Variants in EGFLAM observed in about 807,000 individuals in gnomAD.
The protein encoded by EGFLAM is pikachurin.
In EGFLAM, 79 loss-of-function variants were observed where a neutral mutation model predicts 113.1. The ratio of observed to expected loss-of-function variants is 0.70; its 90% CI spans 0.58 to 0.84. The LOEUF (loss-of-function observed/expected upper bound fraction) is 0.84, where lower values mean the gene tolerates loss of function less well. Among genes scored for constraint, EGFLAM ranks in the 40% least tolerant of loss-of-function variants. EGFLAM has a pLI of 0.00. For missense variants in EGFLAM, 1,265 were observed against 1,291.6 expected (o/e 0.98, Z 0.32); for synonymous variants, 504 against 487.6 (o/e 1.03, Z -0.44).
intron 6 of EGFLAM, among the ~76,000 whole-genome samples, chr5:38,396,997 A>G (rs532397448): frequency 6.6e-6 from 1 of 152,294 alleles, no homozygotes; most frequent in Admixed American, 6.5e-5. Context: ...TTCAAAAGGC[A>G]ACACCCCACA....
In EGFLAM at chr5:38,423,846, T is replaced by A. The variant is rs535286400; in HGVS notation, c.1685-1121T>A. On this transcript the variant is annotated intron_variant, in intron 12 of 21. Coordinates refer to ENST00000322350, the MANE Select transcript of EGFLAM (RefSeq NM_152403.4). Reference sequence around the variant, plus strand: ...TCAGTCTCCTCTCCTGGGTCTAACCTGGGTGCCTGGCCTTTACCCCTCCTC... The same window carrying A: ...TCAGTCTCCTCTCCTGGGTCTAACCAGGGTGCCTGGCCTTTACCCCTCCTC... 3.0e-4 allele frequency among the ~76,000 whole-genome samples: 46 copies of A among 152,310 alleles called. No homozygotes were observed. In the South Asian group the frequency reaches 8.9e-3, roughly 30 times the overall value.
At chr5:38,302,823 A>G (rs1422984144) in intron 1 of EGFLAM, among the ~76,000 whole-genome samples, 2 of 152,166 alleles carry the variant, frequency 1.3e-5, no homozygotes, top group African/African-American at 4.8e-5. Flanking sequence ...GGTAAGAGAC[A>G]AACCTTAGTT....
chr5:38,350,438 T>C, intron 3 of EGFLAM, 63 bp from the exon 4 acceptor site: 1 of 1,504,850 alleles, frequency 6.6e-7, no homozygotes, highest in Non-Finnish European at 9.2e-7. Flanking sequence ...CTCATGGAAA[T>C]TGTACAATTT....
intron 17 of EGFLAM, among the ~76,000 whole-genome samples, chr5:38,441,719 C>T (rs1327600258): frequency 6.6e-6 from 1 of 152,126 alleles, no homozygotes; most frequent in African/African-American, 2.4e-5. Context: ...TGCAGAATTT[C>T]TCAGAGCCTT....
intron 1 of EGFLAM, among the ~76,000 whole-genome samples, chr5:38,291,658 C>A (rs772284287): frequency 8.5e-5 from 13 of 152,158 alleles, no homozygotes; most frequent in Non-Finnish European, 1.8e-4. Flanking sequence ...ATGCAATTAA[C>A]CTTAAGGAAA....
At chr5:38,414,481 T>A (rs1179012075) in intron 11 of EGFLAM, among the ~76,000 whole-genome samples, 1 of 152,168 alleles carries the variant, frequency 6.6e-6, no homozygotes, top group South Asian at 2.1e-4. Flanking sequence ...TAAAGAATTA[T>A]AGGCTGTGTT....
intron 14 of EGFLAM, 68 bp downstream of exon 14, chr5:38,427,320 C>T (rs911968607): frequency 1.3e-6 from 2 of 1,573,042 alleles, no homozygotes; most frequent in Admixed American, 3.6e-5. Flanking sequence ...CAGAAAAAAA[C>T]CAAATCGCCA....
chr5:38,460,842 G>A (rs543937089), intron 20 of EGFLAM: 1 of 152,246 alleles, frequency 6.6e-6, no homozygotes, highest in Non-Finnish European at 1.5e-5. Flanking sequence ...TCAATGAAAA[G>A]GAGATTGCCC....
chr5:38,405,497 G>A (rs1741255787), intron 6 of EGFLAM, among the ~76,000 whole-genome samples: 1 of 152,082 alleles, frequency 6.6e-6, no homozygotes, highest in Non-Finnish European at 1.5e-5. Context: ...AAGCCATGTT[G>A]ATATATTAAA....
chr5:38,360,027 T>C (rs1045886402), intron 5 of EGFLAM, among the ~76,000 whole-genome samples: 1 of 152,224 alleles, frequency 6.6e-6, no homozygotes, highest in Non-Finnish European at 1.5e-5. Context: ...CGCAAATTGA[T>C]ATTTTTGTCA....
chr5:38,412,775 C>T, intron 11 of EGFLAM, 127 bp downstream of exon 11: 2 of 1,380,622 alleles, frequency 1.4e-6, no homozygotes, highest in Non-Finnish European at 1.9e-6. Flanking sequence ...TTGGTAAGGC[C>T]TATTTCTCAT....
intron 6 of EGFLAM, among the ~76,000 whole-genome samples, chr5:38,397,746 CA>C (rs1740998445): frequency 6.6e-6 from 1 of 152,208 alleles, no homozygotes; most frequent in South Asian, 2.1e-4. Flanking sequence ...CAGGTGTCCA[CA>C]TGCATCTTAG....
rs1165893590 is a variant in EGFLAM at position 38,258,578 on chromosome 5, C to T, written c.-177C>T. On this transcript the variant is annotated 5_prime_UTR_variant, in exon 1 of 22. Coordinates refer to ENST00000322350, the MANE Select transcript of EGFLAM (RefSeq NM_152403.4). Reference sequence around the variant, plus strand: ...GGCTTCACTCGCGCACGCCGACCTCCCGGCTGCAGTCCTACCTCTTGGAAC... The same window carrying T: ...GGCTTCACTCGCGCACGCCGACCTCTCGGCTGCAGTCCTACCTCTTGGAAC... 9.0e-6 allele frequency: 6 copies of T among 668,188 alleles called. No homozygotes were observed. The highest frequency in any genetic ancestry group is 1.9e-5 in the African/African-American group (1 of 52,500). 41.4% of individuals were successfully genotyped at this position (668,188 alleles called of 1,614,324 possible).
rs1757491153 is a variant in EGFLAM at position 38,261,169 on chromosome 5, G to GA, written c.97+2324dup. 2.0e-5 allele frequency among the ~76,000 whole-genome samples: 3 copies of GA among 152,270 alleles called. No homozygotes were observed. The South Asian group carries it at 6.2e-4, about 32-fold the overall frequency. ...CCCCATCCGCACCTACCTCTGGTGA[G>GA]AAAAAACTGAGTAGCAGCTTCAAGT... On this transcript the variant is annotated intron_variant, in intron 1 of 21. Transcript: ENST00000322350.
At chr5:38,364,972 G>T (rs948278290) in intron 5 of EGFLAM, among the ~76,000 whole-genome samples, 1 of 152,156 alleles carries the variant, frequency 6.6e-6, no homozygotes, top group Non-Finnish European at 1.5e-5. Flanking sequence ...GTCTGTCTGT[G>T]CTGTAATTAG....
intron 6 of EGFLAM, among the ~76,000 whole-genome samples, chr5:38,389,668 G>C (rs887681209): frequency 6.6e-6 from 1 of 152,020 alleles, no homozygotes; most frequent in Admixed American, 6.5e-5. Flanking sequence ...CCCCAGCCTG[G>C]ATAAGTTTTA....
intron 6 of EGFLAM, among the ~76,000 whole-genome samples, chr5:38,394,711 C>CTTTTTTTTTTTTT (rs11451294): frequency 8.2e-6 from 1 of 121,698 alleles, no homozygotes; most frequent in African/African-American, 3.3e-5. Context: ...GCCGGGCCCA[C>CTTTTTTTTTTTTT]TTTTTTTTTT....
chr5:38,343,557 T>C (rs2111964221), intron 3 of EGFLAM, among the ~76,000 whole-genome samples: 1 of 152,290 alleles, frequency 6.6e-6, no homozygotes, highest in East Asian at 1.9e-4. Flanking sequence ...GGAAGATTTG[T>C]CCAGCCTCCA....
At chr5:38,365,558 A>C (rs1740037546) in intron 5 of EGFLAM, among the ~76,000 whole-genome samples, 1 of 152,210 alleles carries the variant, frequency 6.6e-6, no homozygotes, top group South Asian at 2.1e-4. Flanking sequence ...GGAAAAGTTC[A>C]GTGCAGTGTG....
Sources: gnomAD v4.1 joint callset for allele counts (sites outside exome capture counted in the v4.1 genomes callset) on GRCh38, gnomAD v4.1.1 for gene constraint, MANE v1.5 for transcripts, NCBI Gene and HGNC (gene_info 2026-07-23, HGNC 2026-07-21) for gene names.